MBD6: variants seen among roughly 807,000 people sequenced by gnomAD.
MBD6 encodes methyl-CpG-binding domain protein 6.
Under a neutral mutation model 66.8 loss-of-function variants are expected in MBD6, and 22 were observed. The observed-to-expected ratio is 0.33, with a 90% CI of 0.24 to 0.47. The LOEUF (loss-of-function observed/expected upper bound fraction) is 0.47, where lower values mean the gene tolerates loss of function less well. MBD6 is among the 20% of genes least tolerant of loss of function. The pLI is 1.00. For synonymous variants in MBD6, 540 were observed against 534.6 expected, an observed-to-expected ratio of 1.01 and a Z score of -0.14; for missense variants, 1,322 against 1,286.9, an observed-to-expected ratio of 1.03 and a Z score of -0.42.
chr12:57,524,985 C>T lies in MBD6; in HGVS notation c.249C>T (p.Thr83=). The change falls in exon 5 of 13, where the codon ACC becomes ACT. Residue 83 remains threonine (T), a synonymous_variant. Transcript: ENST00000355673. ...VFNFDPLAPV[T]PGGAGVGPAS... ...ACTTTGACCCTTTGGCCCCGGTGAC[C>T]CCGGGTGGGGCTGGGGTGGGGCCAG... The T allele has an allele frequency of 6.2e-7, 1 of 1,607,264 alleles. No individual in the cohort carries two copies. The highest frequency in any genetic ancestry group is 8.5e-7 in the Non-Finnish European group (1 of 1,176,014).
At position 57,529,205 on chromosome 12, in the gene MBD6, A is replaced by C; in HGVS notation, c.2983A>C (p.Lys995Gln). The change falls in exon 13 of 13, where the codon AAA becomes CAA. Residue 995 changes from lysine to glutamine, a missense_variant. Lys to Gln is a moderately conservative substitution (Grantham distance 53, BLOSUM62 1). Coordinates refer to ENST00000355673, the MANE Select transcript of MBD6 (RefSeq NM_052897.4). ...CCGGGCCCGCCCTGGCCGTCCTGCC[A>C]AAAACAAGAGGAGGAAACTGGCCCC... ...PPRARPGRPAKNKRRKLAP is the reference protein window; with the variant it reads ...PPRARPGRPAQNKRRKLAP 6.2e-7 allele frequency: 1 copy of C among 1,614,036 alleles called. No individual in the cohort carries two copies. Among genetic ancestry groups the C allele is most frequent in the Non-Finnish European group, 8.5e-7 (1 of 1,179,948 alleles).
chr12:57,521,979 A>C (rs1288772356), upstream of MBD6: 2 of 152,218 alleles, frequency 1.3e-5, no homozygotes, highest in East Asian at 3.8e-4. Flanking sequence ...TAAAATGAGA[A>C]CCATGAACTT....
chr12:57,528,449 G>A lies in MBD6; in HGVS notation c.2709G>A (p.Met903Ile). The A allele has an allele frequency of 4.3e-6, 7 of 1,613,832 alleles. No homozygotes were observed. The highest frequency in any genetic ancestry group is 1.1e-5 in the South Asian group (1 of 91,084). ...WGTRGGFNGQ[M>I]ERSPRRTHHW... Reference sequence around the variant, plus strand: ...CACGTGGTGGCTTCAATGGACAAATGGAAAGGTCCCCAAGAAGAACCCACC... The same window carrying A: ...CACGTGGTGGCTTCAATGGACAAATAGAAAGGTCCCCAAGAAGAACCCACC... The change falls in exon 10 of 13, where the codon ATG becomes ATA. Residue 903 changes from methionine to isoleucine, a missense_variant. Coordinates refer to ENST00000355673, the MANE Select transcript of MBD6 (RefSeq NM_052897.4).
rs1594871381 is a variant in MBD6, at chr12:57,529,366, A to C, written c.*132A>C. 1 of 760,736 alleles carries C rather than the reference A, an allele frequency of 1.3e-6. No individual in the cohort carries two copies. Among genetic ancestry groups the C allele is most frequent in the East Asian group, 2.9e-5 (1 of 34,882 alleles). The allele number at this position is 760,736 out of a possible 1,614,324, so 47.1% of individuals were successfully genotyped here. ...ACTCCCCACTCAGAGCACAAATGCA[A>C]CTCCTTCCCCTACAATCCCATCCTG... On this transcript the variant is annotated 3_prime_UTR_variant, in exon 13 of 13. Coordinates refer to ENST00000355673, the MANE Select transcript of MBD6 (RefSeq NM_052897.4).
intron 1 of MBD6, among the ~76,000 whole-genome samples, chr12:57,523,823 C>G (rs908767607): frequency 6.6e-6 from 1 of 152,178 alleles, no homozygotes; most frequent in Admixed American, 6.5e-5. Flanking sequence ...CTTTCTTGGT[C>G]CCAGGGAGCT....
Position 57,525,121 on chromosome 12 carries a change from T to C in MBD6, c.379+6T>C, listed in dbSNP as rs1035787975. The C allele has an allele frequency of 6.2e-7, 1 of 1,603,360 alleles. No individual in the cohort carries two copies. Among genetic ancestry groups the C allele is most frequent in the African/African-American group, 1.4e-5 (1 of 74,038 alleles). On this transcript the variant is annotated splice_donor_region_variant and intron_variant, in intron 5 of 12. Coordinates refer to ENST00000355673, the MANE Select transcript of MBD6 (RefSeq NM_052897.4). ...CTGCTCACACTCTTCTCCTGGTGAGTCTTCTGCCACTTTACAGAAGACCGA... is the reference window on the plus strand; with the variant it reads ...CTGCTCACACTCTTCTCCTGGTGAGCCTTCTGCCACTTTACAGAAGACCGA...
At chr12:57,528,771 G>A in intron 11 of MBD6, 53 bp downstream of exon 11, 4 of 1,611,864 alleles carry the variant, frequency 2.5e-6, no homozygotes, top group Non-Finnish European at 3.4e-6. Flanking sequence ...TTTTTGGTTT[G>A]GACAGTTCTA....
chr12:57,529,049 G>GT (rs1340811643), intron 12 of MBD6, 40 bp downstream of exon 12: 2 of 1,613,884 alleles, frequency 1.2e-6, no homozygotes, highest in Admixed American at 1.7e-5. Flanking sequence ...TGGGTAGGGT[G>GT]TAAGGGATGA....
intron 12 of MBD6, 60 bp from the exon 13 acceptor site, chr12:57,529,100 A>G: frequency 3.7e-6 from 6 of 1,613,102 alleles, no homozygotes; most frequent in Non-Finnish European, 5.1e-6. Flanking sequence ...GTGGGGAGAA[A>G]AGAAGACTTC....
At chr12:57,527,447 C>T in intron 7 of MBD6, 60 bp from the exon 8 acceptor site, 1 of 1,572,402 alleles carries the variant, frequency 6.4e-7, no homozygotes, top group Non-Finnish European at 8.8e-7. Flanking sequence ...GATGTGAAAG[C>T]ACTATAAATC....
At position 57,527,016 on chromosome 12, in the gene MBD6, C is replaced by G. The variant is rs1392584345; in HGVS notation, c.1871C>G (p.Ser624Cys). The G allele has an allele frequency of 1.9e-6, 3 of 1,613,430 alleles. No homozygotes were observed. The highest frequency in any genetic ancestry group is 3.3e-5 in the Admixed American group (2 of 59,990). The change falls in exon 7 of 13, where the codon TCT becomes TGT. Residue 624 changes from serine (S) to cysteine (C), a missense_variant. Coordinates refer to ENST00000355673, the MANE Select transcript of MBD6 (RefSeq NM_052897.4). ...GCACCTCCCAGCAACCTCCTTGCCT[C>G]TTTCCTGCCCCTGTTGGCTCTGGGC... ...PSAPPSNLLA[S>C]FLPLLALGPT...
intron 4 of MBD6, 52 bp from the exon 5 acceptor site, chr12:57,524,901 T>A: frequency 6.2e-7 from 1 of 1,606,816 alleles, no homozygotes; most frequent in Non-Finnish European, 8.5e-7. Context: ...AGGTAGCCCT[T>A]CTCACAGGTT....
At position 57,529,109 on chromosome 12, in the gene MBD6, TC is replaced by T. The variant is rs1879333017; in HGVS notation, c.2938-49del. 3.1e-6 allele frequency: 5 copies of T among 1,613,170 alleles called. No individual in the cohort carries two copies. In the South Asian group the frequency reaches 4.4e-5, roughly 14 times the overall value. ...GAGGGAGTGGGGAGAAAAGAAGACT[TC>T]CTGATACCTAGCAATTGACCACTTC... On this transcript the variant is annotated intron_variant, in intron 12 of 12. Transcript: ENST00000355673.
At chr12:57,526,468 T>A (rs185059490) in intron 6 of MBD6, 80 bp downstream of exon 6, 3 of 1,515,804 alleles carry the variant, frequency 2.0e-6, no homozygotes, top group African/African-American at 2.8e-5. Context: ...TTCAGAGAGC[T>A]CTTTGAGGGT....
At chr12:57,522,678 T>TG (rs1878443180), upstream of MBD6, 1 of 150,996 alleles carries the variant, frequency 6.6e-6, no homozygotes, top group Non-Finnish European at 1.5e-5. Context: ...CGCTGTCCGC[T>TG]GGGCGGGGGC....
At position 57,528,540 on chromosome 12, in the gene MBD6, C is replaced by T. The variant is rs780225427; in HGVS notation, c.2800C>T (p.Pro934Ser). ...GCCCAAGGATCCACCCCCTCCCGGG[C>T]CCCATTCTGAGGACCTTAAGGTGAG... is the stretch of plus-strand genomic sequence containing the variant. ...AEPKDPPPPG[P>S]HSEDLKVPPG... Residue 934 changes from proline to serine, a missense_variant, in exon 10 of 13, where the codon CCC becomes TCC. By Grantham distance (74) the Pro-to-Ser change is moderately conservative (BLOSUM62 -1). Transcript: ENST00000355673. 24 of 1,610,618 alleles carry T rather than the reference C, an allele frequency of 1.5e-5. No homozygotes were observed. The highest frequency in any genetic ancestry group is 1.8e-5 in the Non-Finnish European group (21 of 1,177,898).
chr12:57,526,643 G>C lies in MBD6; in HGVS notation c.1498G>C (p.Gly500Arg). Residue 500 changes from glycine (G) to arginine (R), a missense_variant, in exon 7 of 13, where the codon GGG (glycine) becomes CGG (arginine). Physicochemically the swap from Gly to Arg is moderately radical, Grantham distance 125. Transcript: ENST00000355673. ...PVLQSPSEGL[G>R]MGAGPACPLP... ...GCTTCAAAGCCCATCCGAAGGACTG[G>C]GGATGGGGGCAGGCCCGGCCTGCCC... The C allele has an allele frequency of 9.9e-6, 15 of 1,515,146 alleles. No individual in the cohort carries two copies. Among genetic ancestry groups the C allele is most frequent in the Non-Finnish European group, 1.3e-5 (15 of 1,132,962 alleles). 93.9% of individuals were successfully genotyped at this position (1,515,146 alleles called of 1,614,324 possible). A position where few individuals can be genotyped will look rare whatever the true frequency, so the allele number is the denominator to read the frequency against.
chr12:57,527,578 G>A lies in MBD6; in HGVS notation c.2154G>A (p.Gly718=), dbSNP rs755820080. Residue 718 remains glycine (G), a synonymous_variant, in exon 8 of 13, where the codon GGG becomes GGA. Coordinates refer to ENST00000355673, the MANE Select transcript of MBD6 (RefSeq NM_052897.4). The part of the protein sequence containing the change: ...SSVTTATTDP[G]ASSLGKAPSN... ...TCACCACGGCAACTACTGACCCGGG[G>A]GCCTCCTCTCTGGGCAAGGCCCCCT... The A allele has an allele frequency of 1.2e-6, 2 of 1,613,966 alleles. No homozygotes were observed. Among genetic ancestry groups the A allele is most frequent in the African/African-American group, 1.3e-5 (1 of 74,988 alleles).
At chr12:57,524,931 G>C in intron 4 of MBD6, 22 bp from the exon 5 acceptor site, 3 of 1,601,262 alleles carry the variant, frequency 1.9e-6, no homozygotes, top group Non-Finnish European at 2.6e-6. Flanking sequence ...CAGGGTCCCT[G>C]TCCTTGCTTT....
Sources: allele counts gnomAD v4.1 joint callset (sites outside exome capture counted in the v4.1 genomes callset), GRCh38; gene constraint gnomAD v4.1.1; transcripts MANE v1.5; gene names NCBI Gene and HGNC (gene_info 2026-07-23, HGNC 2026-07-21).